The following FIRRM variants were observed in gnomAD, a reference collection of about 807,000 sequenced individuals.
FIRRM encodes the protein FIGNL1 interacting regulator of recombination and mitosis.
chr1:169,790,225 T>C, the FIRRM span, among the ~76,000 whole-genome samples: 2 of 152,210 alleles, frequency 1.3e-5, no homozygotes, highest in Middle Eastern at 6.8e-3. Flanking sequence ...TTGCCTAGGC[T>C]GGAGGGCAAT....
chr1:169,810,660 T>G, the FIRRM span, among the ~76,000 whole-genome samples: 1 of 151,886 alleles, frequency 6.6e-6, no homozygotes, highest in Non-Finnish European at 1.5e-5. Flanking sequence ...AAGGCCACAT[T>G]CTGAAGTATT....
At chr1:169,795,148 G>C in the FIRRM span, 1 of 1,536,004 alleles carries the variant, frequency 6.5e-7, no homozygotes, top group African/African-American at 1.4e-5. Flanking sequence ...TCCCCTGGAA[G>C]AATTAAGTAG....
chr1:169,816,881 G>T, the FIRRM span, among the ~76,000 whole-genome samples: 2 of 152,116 alleles, frequency 1.3e-5, no homozygotes, highest in African/African-American at 2.4e-5. Context: ...GTGTCCTGTT[G>T]CAAAAGAAAA....
At chr1:169,852,179 A>AT in the FIRRM span, 533 of 544,838 alleles carry the variant, frequency 9.8e-4, 1 homozygote, top group Non-Finnish European at 1.4e-3. Flanking sequence ...GGGAAGTTAC[A>AT]TATTGTACCA....
chr1:169,807,782 T>A, the FIRRM span: 1 of 1,555,978 alleles, frequency 6.4e-7, no homozygotes, highest in Non-Finnish European at 8.7e-7. Context: ...TTTCTTTTTA[T>A]TCATTTAGGC....
the FIRRM span, chr1:169,852,957 G>A: frequency 1.2e-6 from 2 of 1,613,994 alleles, no homozygotes; most frequent in Non-Finnish European, 1.7e-6. Flanking sequence ...GGATGGATAA[G>A]CTAAAACGTT....
At chr1:169,789,452 A>G in the FIRRM span, among the ~76,000 whole-genome samples, 1 of 152,242 alleles carries the variant, frequency 6.6e-6, no homozygotes, top group Non-Finnish European at 1.5e-5. Flanking sequence ...CAGTCAGCAC[A>G]GAGACATTTC....
At chr1:169,849,502 C>T in the FIRRM span, 1 of 1,611,440 alleles carries the variant, frequency 6.2e-7, no homozygotes, top group East Asian at 2.2e-5. Flanking sequence ...TCTTTTAGGA[C>T]AGAATTCTGC....
At chr1:169,830,422 A>G in the FIRRM span, 1 of 1,241,456 alleles carries the variant, frequency 8.1e-7, no homozygotes, top group Non-Finnish European at 1.2e-6. Context: ...TTGTAAGCTT[A>G]TAGAAAAACT....
At chr1:169,795,890 G>GC in the FIRRM span, 1 of 985,396 alleles carries the variant, frequency 1.0e-6, no homozygotes, top group Non-Finnish European at 1.2e-6. Context: ...TGGATTTGAG[G>GC]CGCTTAGCGC....
chr1:169,816,514 G>A, the FIRRM span, among the ~76,000 whole-genome samples: 2 of 151,874 alleles, frequency 1.3e-5, no homozygotes, highest in Non-Finnish European at 2.9e-5. Context: ...TTTTATACTT[G>A]GTCTGATTAT....
At chr1:169,783,971 A>C in the FIRRM span, 11 of 152,240 alleles carry the variant, frequency 7.2e-5, no homozygotes, top group African/African-American at 2.7e-4. Flanking sequence ...TTCTTTGTAG[A>C]GACAGGGTCA....
At chr1:169,823,102 T>G in the FIRRM span, among the ~76,000 whole-genome samples, 1 of 151,946 alleles carries the variant, frequency 6.6e-6, no homozygotes. Flanking sequence ...CAATACAAAA[T>G]TAGCCGGGCA....
At chr1:169,803,136 T>C in the FIRRM span, 49 of 1,606,268 alleles carry the variant, frequency 3.1e-5, no homozygotes, top group Non-Finnish European at 3.9e-5. Context: ...ACAAAAAATA[T>C]ATTCTAAGTG....
At chr1:169,852,742 T>C in the FIRRM span, 1 of 1,582,660 alleles carries the variant, frequency 6.3e-7, no homozygotes. Context: ...AGGAAGGTTC[T>C]TTATATTTAG....
the FIRRM span, chr1:169,853,039 T>TA: frequency 6.4e-7 from 1 of 1,561,522 alleles, no homozygotes; most frequent in Non-Finnish European, 8.8e-7. Flanking sequence ...TGAAAATACT[T>TA]ATGTCTGTAC....
At chr1:169,818,363 T>C in the FIRRM span, among the ~76,000 whole-genome samples, 4 of 152,186 alleles carry the variant, frequency 2.6e-5, no homozygotes, top group African/African-American at 9.7e-5. Flanking sequence ...GCTCCAAAGT[T>C]AAACAGTTTT....
chr1:169,841,876 C>T, the FIRRM span, among the ~76,000 whole-genome samples: 23 of 152,010 alleles, frequency 1.5e-4, no homozygotes, highest in African/African-American at 5.6e-4. Flanking sequence ...ACCAACATTT[C>T]ACCCTAAAAG....
the FIRRM span, among the ~76,000 whole-genome samples, chr1:169,797,072 T>C: frequency 5.1e-4 from 77 of 152,376 alleles, no homozygotes; most frequent in Non-Finnish European, 1.5e-4. Context: ...GTTGCAAAGT[T>C]CATAAAGGCA....
Sources: allele counts gnomAD v4.1 joint callset (sites outside exome capture counted in the v4.1 genomes callset), GRCh38; gene constraint gnomAD v4.1.1; transcripts MANE v1.5; gene names NCBI Gene and HGNC (gene_info 2026-07-23, HGNC 2026-07-21).